Variants in CTNNA2 observed in about 807,000 individuals in gnomAD.
The protein encoded by CTNNA2 is catenin alpha-2.
Under a neutral mutation model 101.0 loss-of-function variants are expected in CTNNA2, and 42 were observed. That is an observed-to-expected ratio of 0.42 (90% CI 0.32 to 0.54). CTNNA2 has a LOEUF of 0.54. CTNNA2 is among the 20% of genes least tolerant of loss of function. CTNNA2 has a pLI of 0.14. For missense variants in CTNNA2, 871 were observed against 1,223.1 expected, an observed-to-expected ratio of 0.71 and a Z score of 4.29; for synonymous variants, 450 against 456.4, an observed-to-expected ratio of 0.99 and a Z score of 0.18.
chr2:79,542,959 G>C (rs1235928262), intron 1 of CTNNA2, among the ~76,000 whole-genome samples: 1 of 151,944 alleles, frequency 6.6e-6, no homozygotes, highest in African/African-American at 2.4e-5. Context: ...AAATTTAATA[G>C]TTTGTTTGCA....
chr2:80,623,609 A>G (rs1030554681), intron 18 of CTNNA2, among the ~76,000 whole-genome samples: 2 of 151,950 alleles, frequency 1.3e-5, no homozygotes, highest in South Asian at 2.1e-4. Flanking sequence ...GAAAATGATC[A>G]GGATTATCTG....
intron 4 of CTNNA2, among the ~76,000 whole-genome samples, chr2:79,445,953 A>G (rs1311856754): frequency 1.3e-5 from 2 of 152,148 alleles, no homozygotes; most frequent in African/African-American, 4.8e-5. Flanking sequence ...TTCATAAAAG[A>G]TCTAGAAAGA....
rs1186409163 is a variant in CTNNA2, at chr2:79,713,401, A to G, written c.103-30986A>G. Among the ~76,000 whole-genome samples, 3 of 152,314 alleles carry G rather than the reference A, an allele frequency of 2.0e-5. 1 individual carries two copies. In the East Asian group the frequency reaches 5.8e-4, roughly 29 times the overall value. The stretch of plus-strand genomic sequence containing the variant: ...TTTGAGGTTGCAGTGAGCTGTGATC[A>G]TGCCACTGCACTCCAGCCTGGGTGA... On this transcript the variant is annotated intron_variant, in intron 2 of 18. Coordinates refer to ENST00000402739, the MANE Select transcript of CTNNA2 (RefSeq NM_001282597.3).
intron 7 of CTNNA2, among the ~76,000 whole-genome samples, chr2:80,269,464 T>TCCTGTGCTTGC (rs1673285999): frequency 6.6e-6 from 1 of 152,230 alleles, no homozygotes; most frequent in South Asian, 2.1e-4. Context: ...GTCTCGGGTA[T>TCCTGTGCTTGC]ATCCTTATAG....
rs13394563 is a variant in CTNNA2 at position 80,014,117 on chromosome 2, T to A, written c.1056+104320T>A. 2.2e-3 allele frequency among the ~76,000 whole-genome samples: 328 copies of A among 152,352 alleles called. 4 individuals are homozygous for A. Among genetic ancestry groups the A allele is most frequent in the African/African-American group, 7.5e-3 (312 of 41,590 alleles). ...TCTACAAAATTGCTAAGTAGCATTA[T>A]TATTATTTGTACATATAGTTTATTG... On this transcript the variant is annotated intron_variant, in intron 7 of 18. Coordinates refer to ENST00000402739, the MANE Select transcript of CTNNA2 (RefSeq NM_001282597.3).
intron 4 of CTNNA2, among the ~76,000 whole-genome samples, chr2:79,400,336 G>A (rs1376189286): frequency 6.6e-6 from 1 of 151,966 alleles, no homozygotes; most frequent in East Asian, 1.9e-4. Context: ...ATGGGAGGCA[G>A]GTTGTCCCTA....
At chr2:79,605,484 C>T (rs879833169) in intron 1 of CTNNA2, among the ~76,000 whole-genome samples, 5 of 150,800 alleles carry the variant, frequency 3.3e-5, no homozygotes, top group Admixed American at 6.6e-5. Flanking sequence ...AAAATTCCAC[C>T]GAAGAATATA....
At chr2:79,613,587 A>T (rs950799690) in intron 1 of CTNNA2, among the ~76,000 whole-genome samples, 37 of 152,194 alleles carry the variant, frequency 2.4e-4, no homozygotes, top group Non-Finnish European at 4.0e-4. Flanking sequence ...AGACGAAATG[A>T]TAGAGAAGGA....
At position 80,045,357 on chromosome 2, in the gene CTNNA2, T is replaced by C. The variant is rs150086722; in HGVS notation, c.1056+135560T>C. ...TTCTCAAAATCAGTTATTTCTACTA[T>C]CTTTTTAAATTTTAGTTGTAATAGT... On this transcript the variant is annotated intron_variant, in intron 7 of 18. Transcript: ENST00000402739. 9.1e-4 allele frequency among the ~76,000 whole-genome samples: 138 copies of C among 152,320 alleles called. 2 individuals carry two copies. The highest frequency in any genetic ancestry group is 3.1e-3 in the African/African-American group (129 of 41,580).
rs973088760 is a variant in CTNNA2 at position 80,367,863 on chromosome 2, G to T, written c.1057-25348G>T. ...TCAGCTGAGTAGGATATCAGAAATA[G>T]TAAGCATCTGCTCCATTGAGATTCG... On this transcript the variant is annotated intron_variant, in intron 7 of 18. Transcript: ENST00000402739. Among the ~76,000 whole-genome samples, 6 of 152,060 alleles carry T rather than the reference G, an allele frequency of 3.9e-5. No homozygotes were observed. In the South Asian group the frequency reaches 6.2e-4, roughly 16 times the overall value.
chr2:79,636,901 C>T (rs1558791183), intron 1 of CTNNA2: 1 of 152,064 alleles, frequency 6.6e-6, no homozygotes, highest in Non-Finnish European at 1.5e-5. Context: ...TGTCATTCTT[C>T]CCCGAGACCA....
chr2:80,018,641 C>T (rs772033690), intron 7 of CTNNA2, among the ~76,000 whole-genome samples: 3 of 151,940 alleles, frequency 2.0e-5, no homozygotes, highest in Admixed American at 6.6e-5. Flanking sequence ...ATTAGCCGGG[C>T]GTGGTGGCAC....
chr2:80,341,677 G>A (rs1419963628), intron 7 of CTNNA2, among the ~76,000 whole-genome samples: 1 of 152,134 alleles, frequency 6.6e-6, no homozygotes, highest in Admixed American at 6.6e-5. Context: ...AATGTAGAAT[G>A]GTACAGCTAC....
chr2:80,018,993 G>C (rs1440478546), intron 7 of CTNNA2, among the ~76,000 whole-genome samples: 1 of 152,064 alleles, frequency 6.6e-6, no homozygotes, highest in Non-Finnish European at 1.5e-5. Context: ...TATCTGTGCT[G>C]AACATGGACA....
At chr2:79,370,365 T>A (rs1403946767) in intron 3 of CTNNA2, among the ~76,000 whole-genome samples, 1 of 152,172 alleles carries the variant, frequency 6.6e-6, no homozygotes, top group Admixed American at 6.5e-5. Flanking sequence ...ATGATAGAAC[T>A]AGGAACAAAC....
intron 1 of CTNNA2, among the ~76,000 whole-genome samples, chr2:79,554,827 T>A (rs1473620656): frequency 2.0e-5 from 3 of 152,194 alleles, no homozygotes. Context: ...ATAGTTTTCT[T>A]ATGTTTGTTT....
chr2:80,433,722 A>T (rs1334145848), intron 9 of CTNNA2, among the ~76,000 whole-genome samples: 5 of 151,934 alleles, frequency 3.3e-5, no homozygotes, highest in African/African-American at 1.2e-4. Context: ...GACTTCACAG[A>T]CTCTGTCTGA....
chr2:79,954,968 A>G (rs1248762421), intron 7 of CTNNA2, among the ~76,000 whole-genome samples: 1 of 152,202 alleles, frequency 6.6e-6, no homozygotes, highest in African/African-American at 2.4e-5. Flanking sequence ...TTTGAACAAA[A>G]TGAAAATTAA....
intron 7 of CTNNA2, among the ~76,000 whole-genome samples, chr2:80,085,997 A>G (rs1699418133): frequency 6.6e-6 from 1 of 152,060 alleles, no homozygotes; most frequent in Non-Finnish European, 1.5e-5. Flanking sequence ...ATGTTTTGTA[A>G]ATCACCTATA....
Sources: allele counts gnomAD v4.1 joint callset (sites outside exome capture counted in the v4.1 genomes callset), GRCh38; gene constraint gnomAD v4.1.1; transcripts MANE v1.5; gene names NCBI Gene and HGNC (gene_info 2026-07-23, HGNC 2026-07-21).